MBOAT1: variants seen among roughly 807,000 people sequenced by gnomAD.
MBOAT1 encodes membrane-bound glycerophospholipid O-acyltransferase 1.
Under a neutral mutation model 64.4 loss-of-function variants are expected in MBOAT1, and 67 were observed. The observed-to-expected ratio is 1.04, with a 90% CI of 0.85 to 1.27. The LOEUF is 1.27. Among genes scored for constraint, MBOAT1 ranks in the 50% most tolerant of loss-of-function variants. The pLI is 0.00. For synonymous variants in MBOAT1, 229 were observed against 218.9 expected (o/e 1.05, Z -0.41); for missense variants, 563 against 604.6 (o/e 0.93, Z 0.72).
intron 1 of MBOAT1, among the ~76,000 whole-genome samples, chr6:20,197,638 C>A (rs1220357796): frequency 6.6e-6 from 1 of 152,216 alleles, no homozygotes; most frequent in Non-Finnish European, 1.5e-5. Flanking sequence ...AGCCCCCTCC[C>A]CTGCTTTGAG....
intron 1 of MBOAT1, among the ~76,000 whole-genome samples, chr6:20,167,848 G>A (rs745582167): frequency 9.9e-5 from 15 of 152,100 alleles, no homozygotes; most frequent in Non-Finnish European, 1.9e-4. Flanking sequence ...GTCACCACAC[G>A]AACTGTACGA....
At chr6:20,139,356 A>T (rs540174003) in intron 4 of MBOAT1, among the ~76,000 whole-genome samples, 2 of 151,910 alleles carry the variant, frequency 1.3e-5, no homozygotes, top group Non-Finnish European at 2.9e-5. Context: ...TCCATCTCCA[A>T]GTCTCCCAAA....
At chr6:20,152,352 A>AAAAT (rs1761530919) in intron 2 of MBOAT1, among the ~76,000 whole-genome samples, 1 of 91,946 alleles carries the variant, frequency 1.1e-5, no homozygotes, top group South Asian at 3.5e-4. Context: ...AAAATAAATA[A>AAAAT]ATAAATAAAT....
chr6:20,118,582 T>A, intron 8 of MBOAT1, 42 bp from the exon 9 acceptor site: 5 of 1,463,626 alleles, frequency 3.4e-6, no homozygotes, highest in Non-Finnish European at 4.8e-6. Flanking sequence ...GGAACAAAAG[T>A]CACATTGCTG....
At chr6:20,193,734 G>A (rs1413807937) in intron 1 of MBOAT1, among the ~76,000 whole-genome samples, 1 of 150,672 alleles carries the variant, frequency 6.6e-6, no homozygotes, top group African/African-American at 2.4e-5. Context: ...AGCCTCCCAA[G>A]TAGCTGGGAC....
intron 4 of MBOAT1, among the ~76,000 whole-genome samples, chr6:20,139,016 T>C (rs1055470560): frequency 6.6e-6 from 1 of 152,212 alleles, no homozygotes; most frequent in Non-Finnish European, 1.5e-5. Flanking sequence ...GTCTTCCCTG[T>C]ATGCATGTGT....
At chr6:20,187,032 T>G (rs1762674395) in intron 1 of MBOAT1, among the ~76,000 whole-genome samples, 1 of 152,256 alleles carries the variant, frequency 6.6e-6, no homozygotes, top group Non-Finnish European at 1.5e-5. Context: ...TTTATTCCTC[T>G]AAAACATCTT....
intron 1 of MBOAT1, among the ~76,000 whole-genome samples, chr6:20,201,606 A>C (rs1001923375): frequency 6.9e-6 from 1 of 145,008 alleles, no homozygotes; most frequent in Non-Finnish European, 1.5e-5. Flanking sequence ...TTTGAGATGG[A>C]GTCTCATACT....
At chr6:20,140,488 G>A (rs768149393) in intron 4 of MBOAT1, among the ~76,000 whole-genome samples, 6 of 152,200 alleles carry the variant, frequency 3.9e-5, no homozygotes, top group South Asian at 2.1e-4. Flanking sequence ...ATCCACCCTC[G>A]TCAGTGTGGA....
At chr6:20,141,108 T>C (rs938609392) in intron 4 of MBOAT1, among the ~76,000 whole-genome samples, 4 of 152,080 alleles carry the variant, frequency 2.6e-5, no homozygotes, top group Admixed American at 2.0e-4. Flanking sequence ...AAAGTGATCT[T>C]TGAGCTGAGT....
intron 9 of MBOAT1, among the ~76,000 whole-genome samples, chr6:20,116,755 T>C (rs1037683611): frequency 2.6e-5 from 4 of 152,212 alleles, no homozygotes; most frequent in East Asian, 1.9e-4. Flanking sequence ...TTTTCTTTTA[T>C]AATAAGCACA....
chr6:20,181,016 A>G (rs1477587334), intron 1 of MBOAT1, among the ~76,000 whole-genome samples: 1 of 152,234 alleles, frequency 6.6e-6, no homozygotes, highest in African/African-American at 2.4e-5. Context: ...GCAAATGATT[A>G]CCTTGAGCCA....
At chr6:20,193,654 T>A (rs1264827607) in intron 1 of MBOAT1, among the ~76,000 whole-genome samples, 1 of 150,384 alleles carries the variant, frequency 6.6e-6, no homozygotes, top group South Asian at 2.1e-4. Flanking sequence ...GTCACCAGGC[T>A]GGAGTGCAGT....
intron 5 of MBOAT1, 143 bp downstream of exon 5, chr6:20,131,001 T>G (rs191287429): frequency 5.1e-5 from 34 of 661,298 alleles, no homozygotes; most frequent in Non-Finnish European, 7.8e-5. Flanking sequence ...AGGCTATGAT[T>G]GCCGAGGCCT....
At chr6:20,113,081 G>A in intron 10 of MBOAT1, 73 bp from the exon 11 acceptor site, 2 of 1,537,370 alleles carry the variant, frequency 1.3e-6, no homozygotes, top group Non-Finnish European at 1.8e-6. Context: ...CTGTTTCTTG[G>A]ATAAGACCAT....
rs553268435 is a variant in MBOAT1, at chr6:20,143,525, T to A, written c.419+695A>T. Among the ~76,000 whole-genome samples, 9 of 152,192 alleles carry A rather than the reference T, an allele frequency of 5.9e-5. No individual in the cohort carries two copies. In the South Asian group the frequency reaches 1.9e-3, roughly 32 times the overall value. On this transcript the variant is annotated intron_variant, in intron 4 of 12. Coordinates refer to ENST00000324607, the MANE Select transcript of MBOAT1 (RefSeq NM_001080480.3). ...AGAGATGAAAACCCTAACACAGGGA[T>A]AGAAAAGCAAATACTGCATGTTCTC...
intron 11 of MBOAT1, 151 bp from the exon 12 acceptor site, chr6:20,109,900 GA>G: frequency 5.6e-6 from 2 of 358,978 alleles, no homozygotes; most frequent in Non-Finnish European, 9.5e-6. Context: ...ATACCATCAG[GA>G]CTTTTTTTTT....
chr6:20,122,646 G>T (rs900081022), intron 8 of MBOAT1, among the ~76,000 whole-genome samples: 2 of 152,108 alleles, frequency 1.3e-5, no homozygotes, highest in African/African-American at 4.8e-5. Context: ...AATTTGGACT[G>T]GGGGAGGAAG....
chr6:20,202,190 A>G (rs1217291688), intron 1 of MBOAT1, among the ~76,000 whole-genome samples: 1 of 152,230 alleles, frequency 6.6e-6, no homozygotes, highest in Non-Finnish European at 1.5e-5. Context: ...AGAATGATGA[A>G]TGAAACAAAC....
Sources: gnomAD v4.1 joint callset for allele counts (sites outside exome capture counted in the v4.1 genomes callset) on GRCh38, gnomAD v4.1.1 for gene constraint, MANE v1.5 for transcripts, NCBI Gene and HGNC (gene_info 2026-07-23, HGNC 2026-07-21) for gene names.